TACC1: variants seen among roughly 807,000 people sequenced by gnomAD.
TACC1 encodes transforming acidic coiled-coil containing protein 1, also known as transforming acidic coiled-coil-containing protein 1.
In TACC1, 48 loss-of-function variants were observed where a neutral mutation model predicts 84.4. The observed-to-expected ratio is 0.57, with a 90% CI of 0.45 to 0.72. TACC1 has a LOEUF of 0.72. Ranked by LOEUF, TACC1 falls within the 30% of genes least tolerant of loss-of-function variation. TACC1 has a pLI of 0.00. For missense variants in TACC1, 920 were observed against 973.0 expected, an observed-to-expected ratio of 0.95 and a Z score of 0.72; for synonymous variants, 372 against 376.3, an observed-to-expected ratio of 0.99 and a Z score of 0.13.
At chr8:38,772,145 G>A (rs560381434) in intron 3 of TACC1, among the ~76,000 whole-genome samples, 1 of 152,244 alleles carries the variant, frequency 6.6e-6, no homozygotes, top group South Asian at 2.1e-4. Flanking sequence ...AATAAGACCA[G>A]CAGTCCTTGG....
chr8:38,773,424 A>C (rs1008685100), intron 3 of TACC1, among the ~76,000 whole-genome samples: 4 of 148,328 alleles, frequency 2.7e-5, no homozygotes, highest in Non-Finnish European at 4.5e-5. Context: ...TTTAAATATT[A>C]ATATTTATAT....
intron 9 of TACC1, 63 bp downstream of exon 9, chr8:38,840,330 C>T (rs537381470): frequency 1.4e-6 from 2 of 1,451,372 alleles, no homozygotes. Context: ...TCTGTTCAGC[C>T]TGGTATAACA....
chr8:38,820,706 G>A, intron 3 of TACC1, 71 bp downstream of exon 3: 1 of 1,542,346 alleles, frequency 6.5e-7, no homozygotes, highest in Admixed American at 1.8e-5. Context: ...AGCTACTTTT[G>A]GCTTTGGTGA....
At chr8:38,797,358 G>C (rs1219487162) in intron 2 of TACC1, among the ~76,000 whole-genome samples, 1 of 152,236 alleles carries the variant, frequency 6.6e-6, no homozygotes, top group Non-Finnish European at 1.5e-5. Context: ...AAACTTGCAT[G>C]AAAGGATATA....
At chr8:38,767,585 T>A (rs1456721169) in intron 3 of TACC1, among the ~76,000 whole-genome samples, 1 of 152,210 alleles carries the variant, frequency 6.6e-6, no homozygotes, top group Non-Finnish European at 1.5e-5. Flanking sequence ...TCCATCTCCT[T>A]CCTGCTTCTT....
At chr8:38,824,204 A>G (rs1366763223) in intron 3 of TACC1, among the ~76,000 whole-genome samples, 2 of 152,082 alleles carry the variant, frequency 1.3e-5, no homozygotes, top group African/African-American at 2.4e-5. Flanking sequence ...GTCCATACCT[A>G]AGGGAGTGGG....
intron 3 of TACC1, among the ~76,000 whole-genome samples, chr8:38,752,639 G>C (rs182948514): frequency 2.0e-5 from 3 of 152,272 alleles, no homozygotes; most frequent in Admixed American, 2.0e-4. Context: ...TTTGGCTCCA[G>C]CTGGTCATTG....
intron 1 of TACC1, among the ~76,000 whole-genome samples, chr8:38,740,034 C>G (rs1026826966): frequency 2.6e-5 from 4 of 152,192 alleles, no homozygotes; most frequent in African/African-American, 9.7e-5. Flanking sequence ...CCAGAAGGCA[C>G]TAACAGCTGG....
intron 2 of TACC1, among the ~76,000 whole-genome samples, chr8:38,801,857 G>T (rs1434257679): frequency 6.6e-6 from 1 of 152,160 alleles, no homozygotes; most frequent in African/African-American, 2.4e-5. Context: ...TGAACATGGG[G>T]TGTCTTCCAT....
intron 3 of TACC1, among the ~76,000 whole-genome samples, chr8:38,774,931 A>C (rs1016381242): frequency 6.7e-6 from 1 of 150,036 alleles, no homozygotes; most frequent in African/African-American, 2.5e-5. Flanking sequence ...GAATCGCTTG[A>C]ACCCCAGAGG....
intron 5 of TACC1, among the ~76,000 whole-genome samples, chr8:38,829,490 A>C (rs1372332659): frequency 6.6e-6 from 1 of 152,102 alleles, no homozygotes; most frequent in African/African-American, 2.4e-5. Context: ...TCTTACACAG[A>C]TCTGCACATC....
intron 2 of TACC1, among the ~76,000 whole-genome samples, chr8:38,797,810 T>C (rs986274834): frequency 3.3e-5 from 5 of 152,228 alleles, no homozygotes; most frequent in African/African-American, 1.2e-4. Context: ...GCACGTGCTC[T>C]TTCCCCCCTT....
chr8:38,761,581 G>A (rs965341014), intron 3 of TACC1, among the ~76,000 whole-genome samples: 1 of 152,178 alleles, frequency 6.6e-6, no homozygotes, highest in Non-Finnish European at 1.5e-5. Flanking sequence ...ACACCAAGAG[G>A]GAGGTGCTGG....
intron 2 of TACC1, among the ~76,000 whole-genome samples, chr8:38,802,930 A>G (rs535567410): frequency 1.3e-5 from 2 of 152,364 alleles, no homozygotes; most frequent in East Asian, 3.9e-4. Context: ...CTCACCTACA[A>G]CACTGGGAAT....
In TACC1 at chr8:38,851,511, T is replaced by G. The variant is rs1187860797; in HGVS notation, c.*3488T>G. 6.1e-6 allele frequency: 1 copy of G among 165,100 alleles called. No individual in the cohort carries two copies. Among genetic ancestry groups the G allele is most frequent in the Admixed American group, 5.9e-5 (1 of 16,922 alleles). The allele number at this position is 165,100 out of a possible 1,614,324, so 10.2% of individuals were successfully genotyped here. On this transcript the variant is annotated 3_prime_UTR_variant, in exon 13 of 13. Transcript: ENST00000317827. ...TTTAAGAGCAAGCATTGGTTAAGTC[T>G]GTGTATACTGAGTTGGAAGTGATTT... is the stretch of plus-strand genomic sequence containing the variant.
chr8:38,830,753 A>G (rs575158617), intron 5 of TACC1, among the ~76,000 whole-genome samples: 1 of 152,318 alleles, frequency 6.6e-6, no homozygotes, highest in East Asian at 1.9e-4. Flanking sequence ...TGGAATTTAA[A>G]TTCACTCCGA....
chr8:38,766,065 CAG>C (rs1219618546), intron 3 of TACC1, among the ~76,000 whole-genome samples: 1 of 152,170 alleles, frequency 6.6e-6, no homozygotes, highest in Non-Finnish European at 1.5e-5. Flanking sequence ...AAAGCACAAA[CAG>C]ATTTAATATA....
At chr8:38,732,125 C>CAAAGAAAAGAAAGA (rs1563736124) in intron 1 of TACC1, among the ~76,000 whole-genome samples, 1 of 118,072 alleles carries the variant, frequency 8.5e-6, no homozygotes, top group African/African-American at 3.2e-5. Context: ...ATAACAACAA[C>CAAAGAAAAGAAAGA]AAAGAAAAGA....
chr8:38,796,770 G>A (rs1010358601), intron 2 of TACC1, among the ~76,000 whole-genome samples: 11 of 152,252 alleles, frequency 7.2e-5, no homozygotes, highest in Admixed American at 2.0e-4. Context: ...AGGCAGGTGT[G>A]TGGAGGTGTG....
Sources: allele counts gnomAD v4.1 joint callset (sites outside exome capture counted in the v4.1 genomes callset), GRCh38; gene constraint gnomAD v4.1.1; transcripts MANE v1.5; gene names NCBI Gene and HGNC (gene_info 2026-07-23, HGNC 2026-07-21).